Variants in SEMA3A observed in about 807,000 individuals in gnomAD.
SEMA3A encodes the protein semaphorin-3A.
A neutral mutation model predicts 97.9 loss-of-function variants in SEMA3A; 29 were observed. The ratio of observed to expected loss-of-function variants is 0.30; its 90% CI spans 0.22 to 0.40. The LOEUF (loss-of-function observed/expected upper bound fraction) is 0.40, where lower values mean the gene tolerates loss of function less well. Among genes scored for constraint, SEMA3A ranks in the 10% least tolerant of loss-of-function variants. The probability of loss-of-function intolerance (pLI) is 1.00; values close to 1 mark genes in which losing one functional copy is unlikely to be tolerated. For missense variants in SEMA3A, 763 were observed against 951.3 expected (o/e 0.80, Z 2.60); for synonymous variants, 321 against 323.7 (o/e 0.99, Z 0.09).
intron 1 of SEMA3A, among the ~76,000 whole-genome samples, chr7:84,155,353 C>T (rs1047702838): frequency 2.0e-5 from 3 of 152,058 alleles, no homozygotes; most frequent in African/African-American, 4.8e-5. Flanking sequence ...GGAGAGTTGT[C>T]GTCTATTTTA....
chr7:84,233,696 T>TA (rs2116361850), intron 3 of SEMA3A, among the ~76,000 whole-genome samples: 1 of 152,166 alleles, frequency 6.6e-6, no homozygotes, highest in South Asian at 2.1e-4. Flanking sequence ...CCTGAACACT[T>TA]ATTGTTAACT....
rs1300965458 is a variant in SEMA3A at position 84,005,351 on chromosome 7, A to G, written c.1348T>C (p.Phe450Leu). Reference sequence around the variant, plus strand: ...TTTAAAAATTTACCTGTTCCGATAAACATAACATCATACTGTCCATCTTCT... The same window carrying G: ...TTTAAAAATTTACCTGTTCCGATAAGCATAACATCATACTGTCCATCTTCT... Reference protein sequence around the residue: ...DAEDGQYDVMFIGTDVGTVLK... With the variant: ...DAEDGQYDVMLIGTDVGTVLK... Residue 450 changes from phenylalanine (F) to leucine (L), a missense_variant, in exon 11 of 17, where the codon TTT becomes CTT. Coordinates refer to ENST00000265362, the MANE Select transcript of SEMA3A (RefSeq NM_006080.3). 1 of 1,612,142 alleles carries G rather than the reference A, an allele frequency of 6.2e-7. No individual in the cohort carries two copies. The highest frequency in any genetic ancestry group is 8.5e-7 in the Non-Finnish European group (1 of 1,178,452).
chr7:84,477,528 T>C (rs1584352829), intron 1 of SEMA3A, among the ~76,000 whole-genome samples: 1 of 151,504 alleles, frequency 6.6e-6, no homozygotes, highest in East Asian at 1.9e-4. Context: ...ATAAAATGTG[T>C]ATATTGGAGA....
rs1415228609 is a variant in SEMA3A at position 84,051,080 on chromosome 7, G to C, written c.548-4637C>G. Among the ~76,000 whole-genome samples, 7 of 151,150 alleles carry C rather than the reference G, an allele frequency of 4.6e-5. No homozygotes were observed. The East Asian group carries it at 1.2e-3, about 25-fold the overall frequency. On this transcript the variant is annotated intron_variant, in intron 5 of 16. Coordinates refer to ENST00000265362, the MANE Select transcript of SEMA3A (RefSeq NM_006080.3). ...TTCCATTGATCTATATCTCTGTTTT[G>C]GTACCAGTACCATGCTGTTTTGGTT...
At chr7:84,001,113 C>CTGT (rs1790428327) in intron 12 of SEMA3A, among the ~76,000 whole-genome samples, 1 of 150,788 alleles carries the variant, frequency 6.6e-6, no homozygotes, top group South Asian at 2.1e-4. Flanking sequence ...GATGTTTGCT[C>CTGT]TATTCTTTTA....
chr7:84,173,711 C>T lies in SEMA3A; in HGVS notation c.112+20764G>A, dbSNP rs9642176. Among the ~76,000 whole-genome samples, 1,028 of 152,140 alleles carry T rather than the reference C, an allele frequency of 6.8e-3. 52 individuals carry two copies. The East Asian group carries it at 0.13, about 19-fold the overall frequency. On this transcript the variant is annotated intron_variant, in intron 1 of 16. Coordinates refer to ENST00000265362, the MANE Select transcript of SEMA3A (RefSeq NM_006080.3). ...TCAGCTACCCCATAGTGCCATACAC[C>T]AAGTGGTAGAGCAAGGGCTTCCCAA...
At chr7:84,285,213 T>C (rs1584201471) in intron 3 of SEMA3A, among the ~76,000 whole-genome samples, 4 of 152,112 alleles carry the variant, frequency 2.6e-5, no homozygotes, top group Admixed American at 2.6e-4. Context: ...TAAGTCTACT[T>C]CCCTTACTGT....
intron 2 of SEMA3A, among the ~76,000 whole-genome samples, chr7:84,320,294 A>G (rs918245529): frequency 2.6e-5 from 4 of 152,078 alleles, no homozygotes; most frequent in African/African-American, 9.7e-5. Context: ...TTTTTTGTCC[A>G]TCTTAAATTA....
chr7:84,130,254 C>T (rs2067693), intron 2 of SEMA3A, among the ~76,000 whole-genome samples: 122,130 of 151,988 alleles, frequency 0.8, 49,115 homozygotes, highest in East Asian at 0.93. Flanking sequence ...TGGGAACCTC[C>T]AGATAATTCA....
intron 1 of SEMA3A, among the ~76,000 whole-genome samples, chr7:84,176,069 T>C (rs1797557287): frequency 7.5e-6 from 1 of 134,004 alleles, no homozygotes; most frequent in Non-Finnish European, 1.7e-5. Context: ...AATGCTTATC[T>C]TCCTTAAGAA....
chr7:84,270,077 C>G (rs951513487), intron 3 of SEMA3A, among the ~76,000 whole-genome samples: 1 of 151,858 alleles, frequency 6.6e-6, no homozygotes, highest in South Asian at 2.1e-4. Flanking sequence ...ATTTGGTATC[C>G]CCTGAGGTAA....
At chr7:84,102,904 C>T (rs1795000776) in intron 4 of SEMA3A, among the ~76,000 whole-genome samples, 1 of 151,910 alleles carries the variant, frequency 6.6e-6, no homozygotes, top group Non-Finnish European at 1.5e-5. Flanking sequence ...TTTTTAAAAA[C>T]ACTTGTAAGG....
chr7:84,270,275 T>C (rs1307249750), intron 3 of SEMA3A, among the ~76,000 whole-genome samples: 2 of 152,046 alleles, frequency 1.3e-5, no homozygotes, highest in African/African-American at 4.8e-5. Context: ...AACATCTGTG[T>C]GTCAAGTACA....
chr7:83,981,204 C>A lies in SEMA3A; in HGVS notation c.1652+117G>T, dbSNP rs990381975. On this transcript the variant is annotated intron_variant, in intron 14 of 16. Transcript: ENST00000265362. ...CGCAACAATCCCCTCCATCTGCTCC[C>A]AAATCTTTTTATTCATTAGAAAAAG... 5.2e-6 allele frequency: 6 copies of A among 1,150,910 alleles called. No homozygotes were observed. In the African/African-American group the frequency reaches 7.7e-5, roughly 15 times the overall value. 71.3% of individuals were successfully genotyped at this position (1,150,910 alleles called of 1,614,324 possible).
At chr7:84,234,981 C>G (rs1799199651) in intron 3 of SEMA3A, among the ~76,000 whole-genome samples, 1 of 152,024 alleles carries the variant, frequency 6.6e-6, no homozygotes, top group Non-Finnish European at 1.5e-5. Flanking sequence ...CGTTTTTACT[C>G]TGCATGTGGC....
chr7:84,407,057 C>T (rs1011345837), intron 1 of SEMA3A, among the ~76,000 whole-genome samples: 23 of 152,188 alleles, frequency 1.5e-4, no homozygotes, highest in South Asian at 2.1e-4. Flanking sequence ...CCAGGGCAAT[C>T]AGGCAGGAGA....
chr7:84,208,993 TA>T (rs1430786853), intron 3 of SEMA3A, among the ~76,000 whole-genome samples: 1 of 152,240 alleles, frequency 6.6e-6, no homozygotes, highest in African/African-American at 2.4e-5. Context: ...ACAAATGGAC[TA>T]GTGGCCTATT....
At chr7:84,330,807 T>A (rs1801893040) in intron 2 of SEMA3A, among the ~76,000 whole-genome samples, 1 of 152,108 alleles carries the variant, frequency 6.6e-6, no homozygotes, top group Non-Finnish European at 1.5e-5. Flanking sequence ...CAATGGTCCT[T>A]CCCTCATATT....
chr7:84,078,820 T>G (rs2115787500), intron 4 of SEMA3A, among the ~76,000 whole-genome samples: 1 of 152,168 alleles, frequency 6.6e-6, no homozygotes, highest in African/African-American at 2.4e-5. Context: ...AAGAAAACCC[T>G]GACTGTTTCA....
Sources: gnomAD v4.1 joint callset for allele counts (sites outside exome capture counted in the v4.1 genomes callset) on GRCh38, gnomAD v4.1.1 for gene constraint, MANE v1.5 for transcripts, NCBI Gene and HGNC (gene_info 2026-07-23, HGNC 2026-07-21) for gene names.